The following RHOBTB1 variants were observed in gnomAD, a reference collection of about 807,000 sequenced individuals.
RHOBTB1 encodes the protein Rho related BTB domain containing 1.
A neutral mutation model predicts 71.6 loss-of-function variants in RHOBTB1; 40 were observed. The observed-to-expected ratio is 0.56, with a 90% CI of 0.43 to 0.73. The LOEUF (loss-of-function observed/expected upper bound fraction) is 0.73. Ranked by LOEUF, RHOBTB1 falls within the 30% of genes least tolerant of loss-of-function variation. The probability of loss-of-function intolerance (pLI) is 0.00; values close to 1 mark genes in which losing one functional copy is unlikely to be tolerated. For synonymous variants in RHOBTB1, 319 were observed against 334.9 expected (o/e 0.95, Z 0.52); for missense variants, 797 against 894.0 (o/e 0.89, Z 1.38).
At chr10:60,903,017 C>A (rs186859121) in intron 4 of RHOBTB1, among the ~76,000 whole-genome samples, 28 of 152,204 alleles carry the variant, frequency 1.8e-4, no homozygotes, top group Non-Finnish European at 4.0e-4. Flanking sequence ...AATTTTCCCG[C>A]AATACAGTTA....
At position 60,871,307 on chromosome 10, in the gene RHOBTB1, G is replaced by A; in HGVS notation, c.*175C>T. ...CCCTTTTTGTCCAGGCTCATTGATG[G>A]TGAGCTTGTGCTTTGATCCTAACAA... On this transcript the variant is annotated 3_prime_UTR_variant, in exon 11 of 11. Coordinates refer to ENST00000337910, the MANE Select transcript of RHOBTB1 (RefSeq NM_014836.5). The A allele has an allele frequency of 1.7e-6, 1 of 579,408 alleles. No individual in the cohort carries two copies. Among genetic ancestry groups the A allele is most frequent in the South Asian group, 2.8e-5 (1 of 35,566 alleles). The allele number at this position is 579,408 out of a possible 1,614,324, so 35.9% of individuals were successfully genotyped here. A position where few individuals can be genotyped will look rare whatever the true frequency, so the allele number is the denominator to read the frequency against.
chr10:60,911,474 A>T lies in RHOBTB1; in HGVS notation c.69T>A (p.Asn23Lys), dbSNP rs1419708947. Residue 23 changes from asparagine (N) to lysine (K), a missense_variant, in exon 3 of 11, where the codon AAT becomes AAA. Asn to Lys is a moderately conservative substitution (Grantham distance 94). Coordinates refer to ENST00000337910, the MANE Select transcript of RHOBTB1 (RefSeq NM_014836.5). ...AGATCAAGCGCGTCTTCCCCACGGC[A>T]TTGTCACCCACGACCACACATTTGA... ...ETIKCVVVGD[N>K]AVGKTRLICA... The T allele has an allele frequency of 6.2e-7, 1 of 1,614,046 alleles. No individual in the cohort carries two copies. Among genetic ancestry groups the T allele is most frequent in the Non-Finnish European group, 8.5e-7 (1 of 1,180,022 alleles).
intron 2 of RHOBTB1, among the ~76,000 whole-genome samples, chr10:60,982,154 C>A (rs539606290): frequency 6.6e-6 from 1 of 152,154 alleles, no homozygotes; most frequent in African/African-American, 2.4e-5. Flanking sequence ...AATTAAATGG[C>A]GGCCCATGAA....
At position 60,923,459 on chromosome 10, in the gene RHOBTB1, C is replaced by T. The variant is rs576876901; in HGVS notation, c.-10-11907G>A. ...CGTGCTGGCAACAGTACATAGTAGACTTGAAAATGTTGTAAAATTAATTAG... is the reference window on the plus strand; with the variant it reads ...CGTGCTGGCAACAGTACATAGTAGATTTGAAAATGTTGTAAAATTAATTAG... On this transcript the variant is annotated intron_variant, in intron 2 of 10. Transcript: ENST00000337910. Among the ~76,000 whole-genome samples, 5 of 152,250 alleles carry T rather than the reference C, an allele frequency of 3.3e-5. No individual in the cohort carries two copies. In the South Asian group the frequency reaches 1.0e-3, roughly 32 times the overall value.
At chr10:60,895,972 A>G (rs1324692455) in intron 4 of RHOBTB1, among the ~76,000 whole-genome samples, 2 of 152,212 alleles carry the variant, frequency 1.3e-5, no homozygotes, top group African/African-American at 4.8e-5. Flanking sequence ...CTAATTCTCA[A>G]CACATCAGTA....
chr10:60,872,069 C>T (rs942306091), intron 10 of RHOBTB1, 116 bp downstream of exon 10: 17 of 795,654 alleles, frequency 2.1e-5, no homozygotes, highest in Non-Finnish European at 2.7e-5. Flanking sequence ...CAGCCAGTCT[C>T]GAGGAATCAT....
At chr10:60,889,841 T>C (rs546662223) in intron 5 of RHOBTB1, among the ~76,000 whole-genome samples, 1 of 152,368 alleles carries the variant, frequency 6.6e-6, no homozygotes, top group South Asian at 2.1e-4. Context: ...AGCATGGCAA[T>C]GCTAAGCATA....
chr10:60,883,308 G>A (rs193076305), intron 7 of RHOBTB1, among the ~76,000 whole-genome samples: 41 of 152,334 alleles, frequency 2.7e-4, no homozygotes, highest in African/African-American at 8.9e-4. Flanking sequence ...GCCTCCTCCA[G>A]GAGAGGCCAT....
intron 2 of RHOBTB1, among the ~76,000 whole-genome samples, chr10:60,928,462 GT>G (rs745776554): frequency 1.6e-4 from 24 of 151,936 alleles, no homozygotes; most frequent in Admixed American, 6.6e-4. Context: ...AAATCCTGTT[GT>G]TTGAAACAAC....
intron 1 of RHOBTB1, among the ~76,000 whole-genome samples, chr10:61,000,680 A>C (rs776957867): frequency 6.6e-6 from 1 of 152,012 alleles, no homozygotes; most frequent in Non-Finnish European, 1.5e-5. Flanking sequence ...TTTTTTTTTA[A>C]TTCCCAAGTG....
rs1564758746 is a variant in RHOBTB1, at chr10:60,878,234, G to A, written c.1576-176C>T. ...TTTATGACTTTAAACATAATGGTTT[G>A]ATTTGTAGTTGACAAAAGAGTGGAG... On this transcript the variant is annotated intron_variant, in intron 7 of 10. Transcript: ENST00000337910. Among the ~76,000 whole-genome samples, 5 of 152,294 alleles carry A rather than the reference G, an allele frequency of 3.3e-5. No homozygotes were observed. The South Asian group carries it at 1.0e-3, about 32-fold the overall frequency.
At chr10:60,903,411 C>T (rs1446610857) in intron 4 of RHOBTB1, among the ~76,000 whole-genome samples, 2 of 152,128 alleles carry the variant, frequency 1.3e-5, no homozygotes, top group African/African-American at 4.8e-5. Flanking sequence ...CTTGATCACT[C>T]AACTCGGCAC....
intron 1 of RHOBTB1, 53 bp from the exon 2 acceptor site, chr10:60,941,907 T>G (rs923976868): frequency 2.6e-5 from 4 of 152,162 alleles, no homozygotes; most frequent in African/African-American, 9.7e-5. Context: ...CAGGAGTACA[T>G]GGGGAGCCAC....
At chr10:60,923,348 A>G (rs2083675885) in intron 2 of RHOBTB1, among the ~76,000 whole-genome samples, 1 of 152,368 alleles carries the variant, frequency 6.6e-6, no homozygotes, top group East Asian at 1.9e-4. Flanking sequence ...ACATTTATAA[A>G]CTAATAGCAG....
In RHOBTB1 at chr10:60,873,385, C is replaced by T. The variant is rs149607781; in HGVS notation, c.1816-1095G>A. 3.5e-3 allele frequency among the ~76,000 whole-genome samples: 534 copies of T among 152,328 alleles called. 5 individuals carry two copies. Among genetic ancestry groups the T allele is most frequent in the African/African-American group, 0.012 (503 of 41,568 alleles). On this transcript the variant is annotated intron_variant, in intron 9 of 10. Transcript: ENST00000337910. ...GATTGGGGTCCCACTTGCCCTCAAG[C>T]TGACTGTTAAACACTTACCAGCACA...
intron 2 of RHOBTB1, among the ~76,000 whole-genome samples, chr10:60,916,466 T>C (rs914200452): frequency 2.6e-5 from 4 of 152,202 alleles, no homozygotes; most frequent in Admixed American, 2.6e-4. Flanking sequence ...TCATAAATCA[T>C]TACTGTTTTA....
intron 2 of RHOBTB1, among the ~76,000 whole-genome samples, chr10:60,951,868 T>C (rs1331132096): frequency 4.6e-5 from 7 of 151,948 alleles, no homozygotes; most frequent in East Asian, 1.9e-4. Flanking sequence ...ACCAGCCTGG[T>C]CAACATGATG....
At chr10:60,942,715 T>C (rs1202412778) in intron 1 of RHOBTB1, among the ~76,000 whole-genome samples, 1 of 152,212 alleles carries the variant, frequency 6.6e-6, no homozygotes, top group Non-Finnish European at 1.5e-5. Context: ...TCCAAATTTC[T>C]AAACAGGGTT....
Position 60,870,559 on chromosome 10 carries a change from T to C in RHOBTB1, c.*923A>G, listed in dbSNP as rs2080730780. ...ATGGCAGGAGGGAGTCCAGGGACCT[T>C]TTCCCTTGCCCATCTCAATTCAAGT... is the stretch of plus-strand genomic sequence containing the variant. On this transcript the variant is annotated 3_prime_UTR_variant, in exon 11 of 11. Coordinates refer to ENST00000337910, the MANE Select transcript of RHOBTB1 (RefSeq NM_014836.5). The C allele has an allele frequency of 1.3e-5, 2 of 152,146 alleles. No individual in the cohort carries two copies. Among genetic ancestry groups the C allele is most frequent in the Non-Finnish European group, 2.9e-5 (2 of 68,024 alleles). The allele number at this position is 152,146 out of a possible 1,614,324, so 9.4% of individuals were successfully genotyped here.
Sources: allele counts gnomAD v4.1 joint callset (sites outside exome capture counted in the v4.1 genomes callset), GRCh38; gene constraint gnomAD v4.1.1; transcripts MANE v1.5; gene names NCBI Gene and HGNC (gene_info 2026-07-23, HGNC 2026-07-21).